The following PRDM1 variants were observed in gnomAD, a reference collection of about 807,000 sequenced individuals.
The protein encoded by PRDM1 is PR/SET domain 1.
PRDM1 carries 13 observed loss-of-function variants against 62.8 expected under a neutral mutation model. The ratio of observed to expected loss-of-function variants is 0.21; its 90% CI spans 0.13 to 0.33. The LOEUF (loss-of-function observed/expected upper bound fraction) is 0.33. Among genes scored for constraint, PRDM1 ranks in the 10% least tolerant of loss-of-function variants. The pLI is 1.00. For synonymous variants in PRDM1, 396 were observed against 417.6 expected (o/e 0.95, Z 0.63); for missense variants, 895 against 1,058.8 (o/e 0.85, Z 2.15).
chr6:106,037,399 A>G (rs986938215), intron 1 of PRDM1, among the ~76,000 whole-genome samples: 7 of 152,106 alleles, frequency 4.6e-5, no homozygotes, highest in Non-Finnish European at 7.4e-5. Flanking sequence ...TCTCTCATCA[A>G]ATTTGGTCAG....
chr6:106,107,994 CT>C lies in PRDM1; in HGVS notation c.*509del, dbSNP rs1359804958. ...AATTTCTGCACATCTGTATAAGTAC[CT>C]AAGATTTAGTTAAACAAATATATGA... On this transcript the variant is annotated 3_prime_UTR_variant, in exon 7 of 7. Transcript: ENST00000369096. The C allele has an allele frequency of 4.3e-6, 1 of 232,482 alleles. No homozygotes were observed. Among genetic ancestry groups the C allele is most frequent in the African/African-American group, 2.2e-5 (1 of 45,196 alleles). 14.4% of individuals were successfully genotyped at this position (232,482 alleles called of 1,614,324 possible).
intron 1 of PRDM1, among the ~76,000 whole-genome samples, chr6:106,025,502 TA>T (rs546724233): frequency 7.2e-4 from 109 of 152,372 alleles, no homozygotes; most frequent in Non-Finnish European, 1.3e-3. Context: ...GGATTGTGTT[TA>T]TTTTTCTGAA....
At chr6:106,030,989 AT>A (rs1428489602) in intron 1 of PRDM1, among the ~76,000 whole-genome samples, 2 of 123,530 alleles carry the variant, frequency 1.6e-5, no homozygotes, top group African/African-American at 6.2e-5. Flanking sequence ...TGTCATTTGT[AT>A]TCTCTCTTTT....
In PRDM1 at chr6:106,069,337, TA is replaced by T. The variant is rs200997941; in HGVS notation, c.-66-18853del. ...AAAACTGCCTGATGACACAGAGCTT[TA>T]AAAAAAAAAATCAAAGTTATCAAAA... On this transcript the variant is annotated intron_variant, in intron 1 of 6. Coordinates refer to the PRDM1 transcript ENST00000651185. Among the ~76,000 whole-genome samples, 1,307 of 148,856 alleles carry T rather than the reference TA, an allele frequency of 8.8e-3. 17 individuals are homozygous for T. The highest frequency in any genetic ancestry group is 0.03 in the African/African-American group (1,241 of 40,772).
At chr6:106,038,014 C>CTTTTTTTTTTTTTTTTTTTTTTTTTGTT (rs1227783243) in intron 1 of PRDM1, among the ~76,000 whole-genome samples, 1 of 47,800 alleles carries the variant, frequency 2.1e-5, no homozygotes, top group Non-Finnish European at 3.5e-5. Flanking sequence ...CTATTTTTGT[C>CTTTTTTTTTTTTTTTTTTTTTTTTTGTT]TTTTTTTTTT....
chr6:106,053,875 A>G (rs1022474543), intron 1 of PRDM1, among the ~76,000 whole-genome samples: 3 of 136,864 alleles, frequency 2.2e-5, no homozygotes, highest in East Asian at 4.6e-4. Context: ...TAGAAAGTTC[A>G]TGCCTTAGAG....
At position 106,108,628 on chromosome 6, in the gene PRDM1, A is replaced by T. The variant is rs1302667013; in HGVS notation, c.*1142A>T. The T allele has an allele frequency of 4.3e-6, 1 of 232,476 alleles. No individual in the cohort carries two copies. Among genetic ancestry groups the T allele is most frequent in the Non-Finnish European group, 8.5e-6 (1 of 117,840 alleles). The allele number at this position is 232,476 out of a possible 1,614,324, so 14.4% of individuals were successfully genotyped here. A position where few individuals can be genotyped will look rare whatever the true frequency, so the allele number is the denominator to read the frequency against. On this transcript the variant is annotated 3_prime_UTR_variant, in exon 7 of 7. Transcript: ENST00000369096. ...GGCCACACTTTAAAAACAAACACAC[A>T]AACAACAAAAAACGGGTATTCTAGT... is the stretch of plus-strand genomic sequence containing the variant.
chr6:106,102,312 C>G (rs1300521595), intron 4 of PRDM1, among the ~76,000 whole-genome samples: 5 of 152,184 alleles, frequency 3.3e-5, no homozygotes, highest in Non-Finnish European at 5.9e-5. Flanking sequence ...AGAAATGACA[C>G]CAGCTCCACT....
At chr6:106,018,667 A>G (rs1263454702) in intron 1 of PRDM1, among the ~76,000 whole-genome samples, 2 of 151,928 alleles carry the variant, frequency 1.3e-5, no homozygotes, top group African/African-American at 2.4e-5. Flanking sequence ...TTTTTTAAAT[A>G]TGATTAGTCT....
chr6:106,050,272 A>T (rs1773152195), intron 1 of PRDM1, among the ~76,000 whole-genome samples: 1 of 152,232 alleles, frequency 6.6e-6, no homozygotes, highest in Non-Finnish European at 1.5e-5. Context: ...AATAGAAGTA[A>T]AAAAGATAAA....
chr6:106,023,698 T>C (rs970723825), intron 1 of PRDM1, among the ~76,000 whole-genome samples: 3 of 152,204 alleles, frequency 2.0e-5, no homozygotes, highest in African/African-American at 4.8e-5. Flanking sequence ...CGGGGCTGGA[T>C]ACTGTTCGCA....
chr6:106,098,303 G>C (rs1292725475), intron 3 of PRDM1: 1 of 985,198 alleles, frequency 1.0e-6, no homozygotes, highest in Non-Finnish European at 1.2e-6. Context: ...ACTTTGTGTG[G>C]AAGGATAAGG....
At chr6:106,104,473 A>T (rs1399727023) in intron 4 of PRDM1, among the ~76,000 whole-genome samples, 1 of 152,190 alleles carries the variant, frequency 6.6e-6, no homozygotes, top group Non-Finnish European at 1.5e-5. Context: ...GGCCTCCCAA[A>T]GTGCTGGGAT....
At chr6:106,095,087 G>GA (rs1201880823) in intron 2 of PRDM1, among the ~76,000 whole-genome samples, 3 of 150,752 alleles carry the variant, frequency 2.0e-5, no homozygotes, top group Admixed American at 6.6e-5. Context: ...CATCTGGAAT[G>GA]AAAAAAACAT....
Position 106,088,181 on chromosome 6 carries a change from GC to G in PRDM1, c.43-18del. The G allele has an allele frequency of 1.9e-6, 3 of 1,572,888 alleles. No individual in the cohort carries two copies. The highest frequency in any genetic ancestry group is 2.6e-6 in the Non-Finnish European group (3 of 1,158,638). ...AACGGCGGGACAATGGGGATTAAAG[GC>G]CTTTCCTTTCTCTTCCAGGCTGCCC... On this transcript the variant is annotated intron_variant, in intron 1 of 6. Coordinates refer to ENST00000369096, the MANE Select transcript of PRDM1 (RefSeq NM_001198.4).
intron 1 of PRDM1, among the ~76,000 whole-genome samples, chr6:106,002,455 A>T (rs1362665015): frequency 6.6e-6 from 1 of 152,130 alleles, no homozygotes; most frequent in African/African-American, 2.4e-5. Flanking sequence ...GATTAAAAGG[A>T]TTGTCATAGT....
intron 1 of PRDM1, among the ~76,000 whole-genome samples, chr6:105,997,687 C>T (rs1054848742): frequency 2.6e-5 from 4 of 152,110 alleles, no homozygotes; most frequent in Non-Finnish European, 5.9e-5. Context: ...AGCTCGTATT[C>T]TCCATATTTG....
chr6:106,039,168 A>G (rs981143558), intron 1 of PRDM1, among the ~76,000 whole-genome samples: 6 of 152,212 alleles, frequency 3.9e-5, no homozygotes, highest in Admixed American at 6.5e-5. Context: ...GTTCAGAAAC[A>G]GCTATGTTAT....
intron 1 of PRDM1, among the ~76,000 whole-genome samples, chr6:106,018,174 A>C (rs1772648219): frequency 6.6e-6 from 1 of 152,244 alleles, no homozygotes; most frequent in African/African-American, 2.4e-5. Flanking sequence ...TACTTTAAAA[A>C]AAAAATAAAG....
Sources: allele counts gnomAD v4.1 joint callset (sites outside exome capture counted in the v4.1 genomes callset), GRCh38; gene constraint gnomAD v4.1.1; transcripts MANE v1.5; gene names NCBI Gene and HGNC (gene_info 2026-07-23, HGNC 2026-07-21).